The following TMEM128 variants were observed in gnomAD, a reference collection of about 807,000 sequenced individuals.
The protein encoded by TMEM128 is transmembrane protein 128.
TMEM128 carries 16 observed loss-of-function variants against 19.7 expected under a neutral mutation model. The ratio of observed to expected loss-of-function variants is 0.81; its 90% CI spans 0.55 to 1.23. The LOEUF is 1.23. Ranked by LOEUF, TMEM128 falls within the 50% of genes most tolerant of loss-of-function variation. TMEM128 has a pLI of 0.00. For synonymous variants in TMEM128, 98 were observed against 75.8 expected, an observed-to-expected ratio of 1.29 and a Z score of -1.52; for missense variants, 237 against 200.8, an observed-to-expected ratio of 1.18 and a Z score of -1.09.
rs371577157 is a variant in TMEM128 at position 4,237,845 on chromosome 4, G to C, written c.489C>G (p.Leu163=). The change falls in exon 4 of 5, where the codon CTC becomes CTG. Residue 163 remains leucine (L), a synonymous_variant. Coordinates refer to ENST00000382753, the MANE Select transcript of TMEM128 (RefSeq NM_001297551.2). ...ATCTTACCTTCGGAAATCATCCAAG[G>C]AGTGTGATAAACATGACAACCCCCA... ...QFMGVVMFIT[L]LG 4.4e-5 allele frequency: 71 copies of C among 1,608,636 alleles called. No individual in the cohort carries two copies. Among genetic ancestry groups the C allele is most frequent in the Admixed American group, 5.0e-5 (3 of 59,802 alleles).
chr4:4,239,476 G>C (rs1717857004), intron 3 of TMEM128, among the ~76,000 whole-genome samples: 1 of 152,182 alleles, frequency 6.6e-6, no homozygotes, highest in South Asian at 2.1e-4. Flanking sequence ...AAAGCAGTTT[G>C]GCATGATTTA....
chr4:4,243,612 T>A (rs1718050814), intron 2 of TMEM128, among the ~76,000 whole-genome samples: 1 of 152,022 alleles, frequency 6.6e-6, no homozygotes, highest in African/African-American at 2.4e-5. Flanking sequence ...CCTTAATGAG[T>A]CCTTCCCAAG....
chr4:4,243,284 G>A (rs1408744197), intron 2 of TMEM128, among the ~76,000 whole-genome samples: 3 of 151,994 alleles, frequency 2.0e-5, no homozygotes, highest in South Asian at 2.1e-4. Flanking sequence ...GGGTTTCACC[G>A]CGTTAGCCAG....
chr4:4,240,731 C>T (rs1717919996), intron 2 of TMEM128, among the ~76,000 whole-genome samples: 1 of 152,310 alleles, frequency 6.6e-6, no homozygotes, highest in South Asian at 2.1e-4. Context: ...ACACTCTCAT[C>T]AGCCAACCAA....
intron 1 of TMEM128, chr4:4,247,598 T>C (rs747171050): frequency 1.2e-6 from 2 of 1,614,216 alleles, no homozygotes; most frequent in East Asian, 2.2e-5. Flanking sequence ...CATCACAAGT[T>C]ACCTGTTTTG....
At chr4:4,244,054 T>C (rs577259861) in intron 2 of TMEM128, among the ~76,000 whole-genome samples, 7 of 152,274 alleles carry the variant, frequency 4.6e-5, no homozygotes, top group African/African-American at 1.7e-4. Flanking sequence ...TGCTGCAGCC[T>C]AGAATGAGCT....
At chr4:4,243,589 AC>A (rs1191733227) in intron 2 of TMEM128, among the ~76,000 whole-genome samples, 3 of 151,916 alleles carry the variant, frequency 2.0e-5, no homozygotes, top group Admixed American at 6.6e-5. Flanking sequence ...GCTGTTCAAT[AC>A]CCCCCAACTC....
rs1437456853 is a variant in TMEM128 at position 4,235,896 on chromosome 4, A to G, written c.*370T>C. Reference sequence around the variant, plus strand: ...TACAATGAAACCACTTTCTCCAAAGACTCAAACAGATTAACATTGCAAAAT... The same window carrying G: ...TACAATGAAACCACTTTCTCCAAAGGCTCAAACAGATTAACATTGCAAAAT... On this transcript the variant is annotated 3_prime_UTR_variant, in exon 5 of 5. Coordinates refer to ENST00000382753, the MANE Select transcript of TMEM128 (RefSeq NM_001297551.2). 6.6e-6 allele frequency: 1 copy of G among 152,578 alleles called. No individual in the cohort carries two copies. Among genetic ancestry groups the G allele is most frequent in the Non-Finnish European group, 1.5e-5 (1 of 68,042 alleles). 9.5% of individuals were successfully genotyped at this position (152,578 alleles called of 1,614,324 possible).
chr4:4,245,199 C>A (rs1718117603), intron 2 of TMEM128, among the ~76,000 whole-genome samples: 1 of 152,140 alleles, frequency 6.6e-6, no homozygotes, highest in Admixed American at 6.5e-5. Context: ...ATTTCTTATC[C>A]AAGGGTCTCC....
rs926275021 is a variant in TMEM128 at position 4,246,408 on chromosome 4, A to C, written c.98-65T>G. 30 of 1,498,418 alleles carry C rather than the reference A, an allele frequency of 2.0e-5. No individual in the cohort carries two copies. The Middle Eastern group carries it at 5.3e-4, about 26-fold the overall frequency. 92.8% of individuals were successfully genotyped at this position (1,498,418 alleles called of 1,614,324 possible). On this transcript the variant is annotated intron_variant, in intron 1 of 4. Coordinates refer to ENST00000382753, the MANE Select transcript of TMEM128 (RefSeq NM_001297551.2). ...ATTTTGCGAGGAAAAATTACACTTA[A>C]GCCAAATAAAATCATTTCCTAGAGC...
chr4:4,244,889 G>T (rs1231252388), intron 2 of TMEM128, among the ~76,000 whole-genome samples: 1 of 152,208 alleles, frequency 6.6e-6, no homozygotes, highest in Non-Finnish European at 1.5e-5. Context: ...AGGGGCAGAA[G>T]ATGGGAGTGT....
At position 4,235,710 on chromosome 4, in the gene TMEM128, A is replaced by C. The variant is rs1425048736; in HGVS notation, c.*556T>G. Reference sequence around the variant, plus strand: ...TCATTTGGTCCTGTCACCTAACAAAACTATCATAAATATGAGATTATAGTA... The same window carrying C: ...TCATTTGGTCCTGTCACCTAACAAACCTATCATAAATATGAGATTATAGTA... On this transcript the variant is annotated 3_prime_UTR_variant, in exon 5 of 5. Transcript: ENST00000382753. 1 of 152,700 alleles carries C rather than the reference A, an allele frequency of 6.5e-6. No individual in the cohort carries two copies. Among genetic ancestry groups the C allele is most frequent in the Non-Finnish European group, 1.5e-5 (1 of 68,048 alleles). The allele number at this position is 152,700 out of a possible 1,614,324, so 9.5% of individuals were successfully genotyped here.
chr4:4,247,609 T>A (rs781477557), intron 1 of TMEM128: 1 of 1,614,232 alleles, frequency 6.2e-7, no homozygotes, highest in Admixed American at 1.7e-5. Context: ...ACCTGTTTTG[T>A]ACCCAAATGG....
chr4:4,237,792 G>A, intron 4 of TMEM128, 35 bp downstream of exon 4: 2 of 1,408,316 alleles, frequency 1.4e-6, no homozygotes, highest in Non-Finnish European at 2.0e-6. Flanking sequence ...TTTCAAACGA[G>A]TTCATTTTTA....
chr4:4,248,026 T>C (rs958019933), intron 1 of TMEM128, 80 bp downstream of exon 1: 9 of 1,511,310 alleles, frequency 6.0e-6, no homozygotes, highest in African/African-American at 1.4e-5. Context: ...CCTTCCAGAC[T>C]GGGCCAGGGC....
intron 3 of TMEM128, among the ~76,000 whole-genome samples, chr4:4,238,235 T>G (rs113065213): frequency 6.6e-6 from 1 of 152,204 alleles, no homozygotes; most frequent in Non-Finnish European, 1.5e-5. Context: ...ACTTCAACAA[T>G]AATTTAAATG....
rs570840280 is a variant in TMEM128 at position 4,246,754 on chromosome 4, T to A, written c.98-411A>T. 5.9e-4 allele frequency among the ~76,000 whole-genome samples: 42 copies of A among 70,950 alleles called. No homozygotes were observed. The South Asian group carries it at 0.024, about 41-fold the overall frequency. The allele number at this position is 70,950 out of a possible 152,430, so 46.5% of individuals were successfully genotyped here. A position where few individuals can be genotyped will look rare whatever the true frequency, so the allele number is the denominator to read the frequency against. On this transcript the variant is annotated intron_variant, in intron 1 of 4. Coordinates refer to ENST00000382753, the MANE Select transcript of TMEM128 (RefSeq NM_001297551.2). ...TTCCAAGAACACTTTTATAACTAAA[T>A]TTTTTTTTTTTGAGTCGGAGTCTTC...
At chr4:4,241,032 G>A (rs1388084748) in intron 2 of TMEM128, among the ~76,000 whole-genome samples, 2 of 152,174 alleles carry the variant, frequency 1.3e-5, no homozygotes, top group Non-Finnish European at 2.9e-5. Flanking sequence ...AGCTGAGATG[G>A]CGCCATTGCA....
intron 3 of TMEM128, 76 bp from the exon 4 acceptor site, chr4:4,238,011 A>C (rs1326383914): frequency 1.0e-6 from 1 of 976,612 alleles, no homozygotes; most frequent in Non-Finnish European, 1.4e-6. Context: ...CCAGATTTAA[A>C]GTATTCAATG....
Sources: gnomAD v4.1 joint callset for allele counts (sites outside exome capture counted in the v4.1 genomes callset) on GRCh38, gnomAD v4.1.1 for gene constraint, MANE v1.5 for transcripts, NCBI Gene and HGNC (gene_info 2026-07-23, HGNC 2026-07-21) for gene names.